The following STK32A variants were observed in gnomAD, a reference collection of about 807,000 sequenced individuals.
STK32A encodes serine/threonine kinase 32A.
A neutral mutation model predicts 53.2 loss-of-function variants in STK32A; 41 were observed. The observed-to-expected ratio is 0.77, with a 90% CI of 0.60 to 1.00. STK32A has a LOEUF of 1.00. Among genes scored for constraint, STK32A ranks in the 50% least tolerant of loss-of-function variants. STK32A has a pLI of 0.00. For synonymous variants in STK32A, 166 were observed against 162.8 expected (o/e 1.02, Z -0.15); for missense variants, 458 against 485.8 (o/e 0.94, Z 0.54).
chr5:147,370,801 G>T (rs762571701), intron 9 of STK32A, 31 bp downstream of exon 9: 1 of 1,433,622 alleles, frequency 7.0e-7, no homozygotes, highest in Admixed American at 1.7e-5. Context: ...TCCAAACGAA[G>T]TAACAAAAGG....
chr5:147,389,116 G>A (rs933813131), downstream of STK32A, among the ~76,000 whole-genome samples: 12 of 152,162 alleles, frequency 7.9e-5, no homozygotes, highest in Admixed American at 7.2e-4. Context: ...CTATGCTCCT[G>A]TATCAAGGGC....
intron 4 of STK32A, among the ~76,000 whole-genome samples, chr5:147,312,979 A>C (rs1186441414): frequency 6.7e-6 from 1 of 149,454 alleles, no homozygotes; most frequent in Admixed American, 6.8e-5. Flanking sequence ...GGTGGCTCAC[A>C]CCTGTAACCA....
rs201872613 is a variant in STK32A at position 147,375,188 on chromosome 5, G to A, written c.1002G>A (p.Glu334=). 3.4e-5 allele frequency: 54 copies of A among 1,610,984 alleles called. 1 individual carries two copies. The highest frequency in any genetic ancestry group is 3.2e-4 in the South Asian group (29 of 90,306). The change falls in exon 11 of 13, where the codon GAG becomes GAA. Residue 334 remains glutamate (E), a synonymous_variant. Coordinates refer to ENST00000397936, the MANE Select transcript of STK32A (RefSeq NM_001112724.2). ...HKKKKRLAKK[E]KDMRKCDSSQ... Reference sequence around the variant, plus strand: ...AAAAAAAGCGTCTGGCAAAGAAGGAGAAGGATATGAGGAAATGCGATTCTT... The same window carrying A: ...AAAAAAAGCGTCTGGCAAAGAAGGAAAAGGATATGAGGAAATGCGATTCTT...
intron 7 of STK32A, among the ~76,000 whole-genome samples, chr5:147,360,536 C>A (rs1756460638): frequency 6.6e-6 from 1 of 151,104 alleles, no homozygotes; most frequent in East Asian, 1.9e-4. Context: ...CCTTATTGTT[C>A]TGCTTTTGCT....
downstream of STK32A, chr5:147,390,686 A>T: frequency 6.6e-6 from 1 of 152,176 alleles, no homozygotes; most frequent in Middle Eastern, 3.2e-3. Flanking sequence ...ATTTTTCTCC[A>T]GACAACTCTG....
chr5:147,395,369 T>C, the STK32A span, among the ~76,000 whole-genome samples: 1 of 152,172 alleles, frequency 6.6e-6, no homozygotes, highest in Non-Finnish European at 1.5e-5. Context: ...TTGTCTTACT[T>C]TCTTACCAGG....
intron 9 of STK32A, 73 bp from the exon 10 acceptor site, chr5:147,373,096 G>A: frequency 6.3e-7 from 1 of 1,585,298 alleles, no homozygotes; most frequent in Non-Finnish European, 8.6e-7. Context: ...AAAGCATTTA[G>A]AGGGAATTTG....
At position 147,308,138 on chromosome 5, in the gene STK32A, TTATATATA is replaced by T. The variant is rs3995475; in HGVS notation, c.261-15742_261-15735del. On this transcript the variant is annotated intron_variant, in intron 4 of 12. Coordinates refer to ENST00000397936, the MANE Select transcript of STK32A (RefSeq NM_001112724.2). ...ATATCAAATTTCCAATTCATACATT[TTATATATA>T]TATATATATATATATATGTGTGTAC... Among the ~76,000 whole-genome samples, 321 of 148,270 alleles carry T rather than the reference TTATATATA, an allele frequency of 2.2e-3. 2 individuals are homozygous for T. Among genetic ancestry groups the T allele is most frequent in the Middle Eastern group, 7.1e-3 (2 of 282 alleles).
chr5:147,249,072 T>G (rs1753871175), intron 2 of STK32A, among the ~76,000 whole-genome samples: 1 of 152,178 alleles, frequency 6.6e-6, no homozygotes, highest in Non-Finnish European at 1.5e-5. Context: ...AAGCTTTTCT[T>G]AGTCTATGGT....
chr5:147,314,740 C>CTT lies in STK32A; in HGVS notation c.261-9144_261-9143dup, dbSNP rs780298418. On this transcript the variant is annotated intron_variant, in intron 4 of 12. Transcript: ENST00000397936. ...ATTTCATACCTATTGCTTTCTTTTT[C>CTT]TTTTTTTTTTTTTTTGAGACAGAAT... Among the ~76,000 whole-genome samples the CTT allele has an allele frequency of 3.0e-4, 41 of 136,032 alleles. 2 individuals are homozygous for CTT. Among genetic ancestry groups the CTT allele is most frequent in the African/African-American group, 4.6e-4 (17 of 36,624 alleles). 89.2% of individuals were successfully genotyped at this position (136,032 alleles called of 152,430 possible). A position where few individuals can be genotyped will look rare whatever the true frequency, so the allele number is the denominator to read the frequency against.
chr5:147,323,771 C>T (rs894521765), intron 4 of STK32A, 127 bp from the exon 5 acceptor site: 1 of 732,094 alleles, frequency 1.4e-6, no homozygotes, highest in Non-Finnish European at 2.2e-6. Context: ...TGATAGACCA[C>T]CTACTCCCAA....
chr5:147,260,868 G>A (rs1186821033), intron 2 of STK32A, among the ~76,000 whole-genome samples: 4 of 152,214 alleles, frequency 2.6e-5, no homozygotes, highest in African/African-American at 4.8e-5. Context: ...AACACTGCAA[G>A]CAGGTCGTTT....
At chr5:147,397,026 T>C in the STK32A span, among the ~76,000 whole-genome samples, 1 of 46,022 alleles carries the variant, frequency 2.2e-5, no homozygotes, top group Non-Finnish European at 3.9e-5. Flanking sequence ...TATATAAATG[T>C]TTATTTATAT....
chr5:147,276,556 G>T (rs1161411660), intron 2 of STK32A, among the ~76,000 whole-genome samples: 1 of 152,134 alleles, frequency 6.6e-6, no homozygotes, highest in Non-Finnish European at 1.5e-5. Flanking sequence ...TTATAGCTTA[G>T]TTTTATTTAT....
the STK32A span, chr5:147,400,617 C>A: frequency 6.4e-7 from 1 of 1,559,048 alleles, no homozygotes; most frequent in Non-Finnish European, 8.7e-7. Context: ...ACCAGCCCAA[C>A]TGGTGGCAGG....
intron 4 of STK32A, among the ~76,000 whole-genome samples, chr5:147,308,027 T>A (rs1156722558): frequency 6.6e-6 from 1 of 152,170 alleles, no homozygotes; most frequent in Admixed American, 6.5e-5. Context: ...AAGTAGCTTT[T>A]CAATTTGTAT....
At chr5:147,339,532 T>A (rs1755301074) in intron 5 of STK32A, among the ~76,000 whole-genome samples, 1 of 152,210 alleles carries the variant, frequency 6.6e-6, no homozygotes, top group Non-Finnish European at 1.5e-5. Context: ...AAGGTCACCA[T>A]CTTCCAGACA....
chr5:147,333,003 T>A (rs1754946985), intron 5 of STK32A, among the ~76,000 whole-genome samples: 1 of 152,220 alleles, frequency 6.6e-6, no homozygotes, highest in African/African-American at 2.4e-5. Flanking sequence ...ATAATTTCTA[T>A]AAGGTTAATG....
intron 4 of STK32A, among the ~76,000 whole-genome samples, chr5:147,302,702 G>A (rs1753198727): frequency 6.6e-6 from 1 of 152,084 alleles, no homozygotes; most frequent in African/African-American, 2.4e-5. Flanking sequence ...GAACAATGAG[G>A]AAGAGAGGTA....
Sources: allele counts gnomAD v4.1 joint callset (sites outside exome capture counted in the v4.1 genomes callset), GRCh38; gene constraint gnomAD v4.1.1; transcripts MANE v1.5; gene names NCBI Gene and HGNC (gene_info 2026-07-23, HGNC 2026-07-21).